Variants in SLC14A2 observed in about 807,000 individuals in gnomAD.
The protein encoded by SLC14A2 is solute carrier family 14 member 2, also known as urea transporter 2.
SLC14A2 carries 91 observed loss-of-function variants against 104.6 expected under a neutral mutation model. The observed-to-expected ratio is 0.87, with a 90% CI of 0.73 to 1.04. The LOEUF is 1.04. SLC14A2 is among the 50% of genes least tolerant of loss of function. The probability of loss-of-function intolerance (pLI) is 0.00; values close to 1 mark genes in which losing one functional copy is unlikely to be tolerated. For synonymous variants in SLC14A2, 476 were observed against 466.4 expected, an observed-to-expected ratio of 1.02 and a Z score of -0.27; for missense variants, 1,189 against 1,156.0, an observed-to-expected ratio of 1.03 and a Z score of -0.41.
At chr18:45,307,343 G>C (rs529829696) in intron 1 of SLC14A2, among the ~76,000 whole-genome samples, 1 of 148,658 alleles carries the variant, frequency 6.7e-6, no homozygotes, top group Non-Finnish European at 1.5e-5. Context: ...GCTTGAACCC[G>C]GGAGGTGGAG....
chr18:45,648,500 C>T (rs1240820910), intron 10 of SLC14A2, among the ~76,000 whole-genome samples: 5 of 152,100 alleles, frequency 3.3e-5, no homozygotes, highest in Non-Finnish European at 5.9e-5. Context: ...CCACCACGCC[C>T]GGCCTAGTTA....
intron 2 of SLC14A2, chr18:45,528,609 C>T (rs912672380): frequency 6.6e-6 from 1 of 152,176 alleles, no homozygotes; most frequent in African/African-American, 2.4e-5. Flanking sequence ...CACACACACT[C>T]GGCTCAGTCA....
At chr18:45,292,254 TAAAG>T (rs1301145001) in intron 1 of SLC14A2, among the ~76,000 whole-genome samples, 2 of 152,160 alleles carry the variant, frequency 1.3e-5, no homozygotes, top group African/African-American at 4.8e-5. Context: ...AATCACTTCA[TAAAG>T]AGAGACATTG....
chr18:45,435,602 A>G (rs1361318762), intron 1 of SLC14A2, among the ~76,000 whole-genome samples: 4 of 152,186 alleles, frequency 2.6e-5, no homozygotes, highest in Admixed American at 2.6e-4. Flanking sequence ...AATAGCACTG[A>G]TGGAGTCCCT....
intron 1 of SLC14A2, among the ~76,000 whole-genome samples, chr18:45,361,637 G>GC (rs1040624265): frequency 6.6e-5 from 10 of 152,182 alleles, no homozygotes. Context: ...AGAACTCTGT[G>GC]CCTGCACCCA....
At chr18:45,679,132 C>A in intron 19 of SLC14A2, 108 bp downstream of exon 19, 1 of 1,007,948 alleles carries the variant, frequency 9.9e-7, no homozygotes, top group Non-Finnish European at 1.5e-6. Context: ...TTCCCCAGTT[C>A]ATCTCCCTTA....
chr18:45,180,723 T>C, the SLC14A2 span, among the ~76,000 whole-genome samples: 1 of 152,330 alleles, frequency 6.6e-6, no homozygotes, highest in South Asian at 2.1e-4. Context: ...TTTTCTTTAA[T>C]AGTTATAGAA....
chr18:45,303,925 C>A (rs967247080), intron 1 of SLC14A2, among the ~76,000 whole-genome samples: 2 of 152,206 alleles, frequency 1.3e-5, no homozygotes, highest in Non-Finnish European at 2.9e-5. Flanking sequence ...CAGAGTCTTG[C>A]AAATGGCAGA....
At chr18:45,677,603 T>G (rs1031606505) in intron 18 of SLC14A2, among the ~76,000 whole-genome samples, 1 of 152,242 alleles carries the variant, frequency 6.6e-6, no homozygotes, top group Admixed American at 6.5e-5. Context: ...AGAATAATGC[T>G]GACACATAGG....
chr18:45,581,643 A>G (rs879822994), intron 2 of SLC14A2, among the ~76,000 whole-genome samples: 1 of 152,202 alleles, frequency 6.6e-6, no homozygotes, highest in African/African-American at 2.4e-5. Flanking sequence ...TCTCATCCTC[A>G]GAATGGATAT....
At chr18:45,213,123 C>T (rs925987459) in exon 1 of SLC14A2, 1 of 152,212 alleles carries the variant, frequency 6.6e-6, no homozygotes, top group Non-Finnish European at 1.5e-5. Context: ...AGTATTTGCA[C>T]CTCTACCTAC....
intron 1 of SLC14A2, among the ~76,000 whole-genome samples, chr18:45,298,302 G>A (rs940342624): frequency 9.2e-5 from 14 of 152,138 alleles, no homozygotes; most frequent in Admixed American, 4.6e-4. Context: ...GTGTGTTGCC[G>A]TTACTTAGAG....
the SLC14A2 span, among the ~76,000 whole-genome samples, chr18:45,192,822 A>G: frequency 6.6e-6 from 1 of 151,840 alleles, no homozygotes; most frequent in Admixed American, 6.6e-5. Flanking sequence ...AGGCCCAGCT[A>G]ATTTTTTGTA....
the SLC14A2 span, among the ~76,000 whole-genome samples, chr18:45,206,194 T>C: frequency 7.9e-5 from 12 of 152,330 alleles, no homozygotes; most frequent in South Asian, 2.5e-3. Flanking sequence ...TTTTGGCCTT[T>C]TCACGTAGTG....
chr18:45,540,199 A>G (rs2144855243), intron 2 of SLC14A2, among the ~76,000 whole-genome samples: 1 of 152,156 alleles, frequency 6.6e-6, no homozygotes, highest in South Asian at 2.1e-4. Flanking sequence ...TGAAGTGGGC[A>G]GGACCTCCCA....
chr18:45,532,909 G>T (rs202104361), intron 2 of SLC14A2, among the ~76,000 whole-genome samples: 9 of 151,514 alleles, frequency 5.9e-5, no homozygotes, highest in African/African-American at 1.5e-4. Flanking sequence ...TAGCATGAAG[G>T]GTTGTTGAAT....
intron 1 of SLC14A2, among the ~76,000 whole-genome samples, chr18:45,219,900 A>C (rs1433895257): frequency 1.3e-5 from 2 of 152,188 alleles, no homozygotes; most frequent in Non-Finnish European, 2.9e-5. Context: ...TCAACAAACA[A>C]AATCAAATGT....
chr18:45,282,383 T>C (rs954987420), intron 1 of SLC14A2, among the ~76,000 whole-genome samples: 7 of 152,180 alleles, frequency 4.6e-5, no homozygotes, highest in African/African-American at 1.7e-4. Flanking sequence ...ATTCTAAGAA[T>C]TGGGGGACTG....
chr18:45,285,844 G>A (rs1010825201), intron 1 of SLC14A2, among the ~76,000 whole-genome samples: 1 of 152,176 alleles, frequency 6.6e-6, no homozygotes, highest in African/African-American at 2.4e-5. Context: ...ACTGATTGGA[G>A]GACTCTGCAC....
Sources: gnomAD v4.1 joint callset for allele counts (sites outside exome capture counted in the v4.1 genomes callset) on GRCh38, gnomAD v4.1.1 for gene constraint, MANE v1.5 for transcripts, NCBI Gene and HGNC (gene_info 2026-07-23, HGNC 2026-07-21) for gene names.